PPP1R14C: variants seen among roughly 807,000 people sequenced by gnomAD.
The protein encoded by PPP1R14C is protein phosphatase 1 regulatory subunit 14C.
Under a neutral mutation model 20.4 loss-of-function variants are expected in PPP1R14C, and 16 were observed. The observed-to-expected ratio is 0.78, with a 90% CI of 0.53 to 1.19. The LOEUF (loss-of-function observed/expected upper bound fraction) is 1.19. Among genes scored for constraint, PPP1R14C ranks in the 50% most tolerant of loss-of-function variants. The pLI is 0.00. For synonymous variants in PPP1R14C, 91 were observed against 91.0 expected (o/e 1.00, Z 0.00); for missense variants, 211 against 220.1 (o/e 0.96, Z 0.26).
At chr6:150,202,227 C>T (rs1290781840) in intron 1 of PPP1R14C, among the ~76,000 whole-genome samples, 1 of 152,154 alleles carries the variant, frequency 6.6e-6, no homozygotes, top group Non-Finnish European at 1.5e-5. Context: ...GGTGCCCACC[C>T]CACAACAAGG....
At chr6:150,163,118 G>A (rs9322248) in intron 1 of PPP1R14C, among the ~76,000 whole-genome samples, 85,242 of 152,028 alleles carry the variant, frequency 0.56, 24,503 homozygotes, top group South Asian at 0.64. Flanking sequence ...TAGGCCAGGC[G>A]CGGTGGCTCA....
intron 1 of PPP1R14C, among the ~76,000 whole-genome samples, chr6:150,168,057 C>CTT (rs1777451123): frequency 1.0e-5 from 1 of 99,252 alleles, no homozygotes; most frequent in African/African-American, 4.4e-5. Flanking sequence ...TCCTCTCCCC[C>CTT]ACTCCCCTCC....
Position 150,185,704 on chromosome 6 carries a change from C to A in PPP1R14C, c.307-29040C>A, listed in dbSNP as rs1038883813. Among the ~76,000 whole-genome samples the A allele has an allele frequency of 6.6e-6, 1 of 152,020 alleles. No individual in the cohort carries two copies. Among genetic ancestry groups the A allele is most frequent in the African/African-American group, 2.4e-5 (1 of 41,366 alleles). ...AGCTCTGTGTGTCGGTGAGGATAGGCGAGGCTATGTTACACTCAGGAGTGA... is the reference window on the plus strand; with the variant it reads ...AGCTCTGTGTGTCGGTGAGGATAGGAGAGGCTATGTTACACTCAGGAGTGA... On this transcript the variant is annotated intron_variant, in intron 1 of 3. Transcript: ENST00000361131. The surrounding 1 kb of genome is among the most constrained non-coding windows in gnomAD (Gnocchi z 4.1).
At chr6:150,194,373 T>A (rs1474242033) in intron 1 of PPP1R14C, 5 of 816,634 alleles carry the variant, frequency 6.1e-6, no homozygotes, top group Non-Finnish European at 7.4e-6. Context: ...TGAGCCAAGA[T>A]TTATCTTTCT....
chr6:150,150,669 G>A (rs1777235068), intron 1 of PPP1R14C, among the ~76,000 whole-genome samples: 1 of 152,122 alleles, frequency 6.6e-6, no homozygotes, highest in Non-Finnish European at 1.5e-5. Context: ...CACTGGGCTA[G>A]TTCAAGCCTT....
At chr6:150,174,022 C>CCG (rs3049228) in intron 1 of PPP1R14C, among the ~76,000 whole-genome samples, 1 of 151,016 alleles carries the variant, frequency 6.6e-6, no homozygotes, top group South Asian at 2.1e-4. Context: ...CCCTCCCCCC[C>CCG]ACCCCCGAGA....
At chr6:150,152,316 C>T (rs1463912701) in intron 1 of PPP1R14C, among the ~76,000 whole-genome samples, 1 of 152,156 alleles carries the variant, frequency 6.6e-6, no homozygotes, top group African/African-American at 2.4e-5. Context: ...TTGGGCCTCC[C>T]GCTCTGTCCC....
intron 3 of PPP1R14C, among the ~76,000 whole-genome samples, chr6:150,236,110 C>T (rs994097744): frequency 6.6e-6 from 1 of 152,152 alleles, no homozygotes; most frequent in African/African-American, 2.4e-5. Flanking sequence ...TCCCTTTGGC[C>T]TTTATATTAA....
chr6:150,228,739 C>A (rs562073434), intron 3 of PPP1R14C, among the ~76,000 whole-genome samples: 1 of 152,118 alleles, frequency 6.6e-6, no homozygotes, highest in African/African-American at 2.4e-5. Context: ...GGGCTTAGAG[C>A]TCACCTCTCA....
intron 1 of PPP1R14C, among the ~76,000 whole-genome samples, chr6:150,213,237 G>A (rs1473107170): frequency 6.6e-6 from 1 of 152,084 alleles, no homozygotes; most frequent in African/African-American, 2.4e-5. Flanking sequence ...GGTTGTTTCT[G>A]GAATTTTCCT....
At chr6:150,157,911 A>G (rs2114856642) in intron 1 of PPP1R14C, among the ~76,000 whole-genome samples, 1 of 152,296 alleles carries the variant, frequency 6.6e-6, no homozygotes, top group African/African-American at 2.4e-5. Flanking sequence ...CTGCACTGGG[A>G]ATTAAGGTTC....
At chr6:150,162,344 C>A (rs1419448101) in intron 1 of PPP1R14C, among the ~76,000 whole-genome samples, 1 of 152,204 alleles carries the variant, frequency 6.6e-6, no homozygotes, top group Non-Finnish European at 1.5e-5. Context: ...CGTGAGCCAC[C>A]GTGCCAGGCC....
intron 1 of PPP1R14C, among the ~76,000 whole-genome samples, chr6:150,159,527 G>A (rs114060743): frequency 1.3e-5 from 2 of 151,260 alleles, no homozygotes; most frequent in African/African-American, 4.9e-5. Context: ...CCCAGCATCC[G>A]TCCATCCTTC....
intron 1 of PPP1R14C, among the ~76,000 whole-genome samples, chr6:150,177,690 C>T (rs958766712): frequency 1.1e-4 from 16 of 152,188 alleles, no homozygotes; most frequent in Admixed American, 3.3e-4. Context: ...CAAAGTCCCA[C>T]AGTCTTTTGT....
chr6:150,181,267 C>G (rs1777619018), intron 1 of PPP1R14C, among the ~76,000 whole-genome samples: 1 of 152,130 alleles, frequency 6.6e-6, no homozygotes, highest in South Asian at 2.1e-4. Flanking sequence ...ACCTCCACCT[C>G]TCGGGTTTAA....
intron 1 of PPP1R14C, among the ~76,000 whole-genome samples, chr6:150,198,632 C>T (rs955923006): frequency 2.6e-5 from 4 of 152,186 alleles, no homozygotes; most frequent in African/African-American, 9.7e-5. Flanking sequence ...CACTGAGGGA[C>T]CTCAGCAATG....
At chr6:150,226,172 CTGGG>C (rs1463816077) in intron 3 of PPP1R14C, among the ~76,000 whole-genome samples, 1 of 152,088 alleles carries the variant, frequency 6.6e-6, no homozygotes, top group African/African-American at 2.4e-5. Context: ...TTCCTGACTG[CTGGG>C]AAACACAGCA....
At chr6:150,200,222 CACACAACACACACAT>C (rs1425425193) in intron 1 of PPP1R14C, among the ~76,000 whole-genome samples, 1 of 151,748 alleles carries the variant, frequency 6.6e-6, no homozygotes, top group Admixed American at 6.6e-5. Flanking sequence ...AACACACACA[CACACAACACACACAT>C]ACACACATAC....
At chr6:150,195,066 A>T (rs1236992004) in intron 1 of PPP1R14C, 7 of 984,994 alleles carry the variant, frequency 7.1e-6, no homozygotes, top group Non-Finnish European at 8.4e-6. Context: ...CTGTATGACC[A>T]TCTTCAAATC....
Sources: gnomAD v4.1 joint callset for allele counts (sites outside exome capture counted in the v4.1 genomes callset) on GRCh38, gnomAD v4.1.1 for gene constraint, Gnocchi (gnomAD v3.1) non-coding constraint, MANE v1.5 for transcripts, NCBI Gene and HGNC (gene_info 2026-07-23, HGNC 2026-07-21) for gene names.